The following IL31RA variants were observed in gnomAD, a reference collection of about 807,000 sequenced individuals.
The protein encoded by IL31RA is interleukin-31 receptor subunit alpha.
In IL31RA, 66 loss-of-function variants were observed where a neutral mutation model predicts 83.7. That is an observed-to-expected ratio of 0.79 (90% CI 0.65 to 0.97). IL31RA has a LOEUF of 0.97. Among genes scored for constraint, IL31RA ranks in the 50% least tolerant of loss-of-function variants. The pLI is 0.00. For synonymous variants in IL31RA, 325 were observed against 329.0 expected (o/e 0.99, Z 0.13); for missense variants, 798 against 919.4 (o/e 0.87, Z 1.71).
chr5:55,867,492 T>TA (rs1456009958), intron 2 of IL31RA, among the ~76,000 whole-genome samples: 3 of 152,084 alleles, frequency 2.0e-5, no homozygotes, highest in African/African-American at 7.2e-5. Context: ...ATCAAAATAT[T>TA]AAAGAAACAA....
intron 4 of IL31RA, among the ~76,000 whole-genome samples, chr5:55,882,548 T>C (rs1747306073): frequency 6.6e-6 from 1 of 152,210 alleles, no homozygotes; most frequent in Non-Finnish European, 1.5e-5. Flanking sequence ...TAAAAAATGT[T>C]GTATAATAAG....
intron 13 of IL31RA, among the ~76,000 whole-genome samples, chr5:55,913,893 CAG>C (rs559067917): frequency 1.3e-5 from 2 of 152,222 alleles, no homozygotes; most frequent in Non-Finnish European, 2.9e-5. Context: ...CCCTTTCTCT[CAG>C]TGTCTAGCAG....
intron 7 of IL31RA, among the ~76,000 whole-genome samples, chr5:55,897,903 A>G (rs1748521196): frequency 6.6e-6 from 1 of 152,192 alleles, no homozygotes; most frequent in African/African-American, 2.4e-5. Context: ...GCAAGTTCAA[A>G]ATCCTGTTGA....
chr5:55,843,197 T>C, the IL31RA span, among the ~76,000 whole-genome samples: 30 of 152,322 alleles, frequency 2.0e-4, no homozygotes, highest in Non-Finnish European at 3.2e-4. Flanking sequence ...GAGGGAGCAT[T>C]TCTTTCTTTT....
intron 6 of IL31RA, among the ~76,000 whole-genome samples, chr5:55,892,298 A>G (rs1748055557): frequency 6.6e-6 from 1 of 152,148 alleles, no homozygotes; most frequent in African/African-American, 2.4e-5. Context: ...AGGCCTCATG[A>G]TTTCAGGTGG....
At chr5:55,910,865 T>A (rs1261568869) in intron 12 of IL31RA, among the ~76,000 whole-genome samples, 193 bp downstream of exon 12, 3 of 152,116 alleles carry the variant, frequency 2.0e-5, no homozygotes, top group Non-Finnish European at 4.4e-5. Flanking sequence ...GCAGGCAAGT[T>A]GAGAGCCGAA....
rs2112580302 is a variant in IL31RA, at chr5:55,912,249, G to A, written c.1643-1228G>A. Among the ~76,000 whole-genome samples the A allele has an allele frequency of 1.3e-5, 2 of 152,258 alleles. 1 individual carries two copies. The highest frequency in any genetic ancestry group is 4.1e-4 in the South Asian group (2 of 4,828). ...GAATTCTCTGCTTAAAAGCCACAGTGACTTTTATTATATTTTAAAGAAAAT... is the reference window on the plus strand; with the variant it reads ...GAATTCTCTGCTTAAAAGCCACAGTAACTTTTATTATATTTTAAAGAAAAT... On this transcript the variant is annotated intron_variant, in intron 12 of 14. Coordinates refer to ENST00000652347, the MANE Select transcript of IL31RA (RefSeq NM_139017.7).
intron 3 of IL31RA, among the ~76,000 whole-genome samples, chr5:55,869,864 C>T (rs183806621): frequency 3.1e-4 from 47 of 152,218 alleles, no homozygotes; most frequent in African/African-American, 9.2e-4. Context: ...GTAAGATGAC[C>T]TTTAGTCTTT....
intron 1 of IL31RA, among the ~76,000 whole-genome samples, chr5:55,854,866 A>G (rs1745265426): frequency 6.6e-6 from 1 of 152,200 alleles, no homozygotes. Context: ...AGGAGATAGT[A>G]TACATGAAAG....
At chr5:55,900,250 AC>A in intron 8 of IL31RA, 118 bp downstream of exon 8, 2 of 777,072 alleles carry the variant, frequency 2.6e-6, no homozygotes, top group Non-Finnish European at 4.6e-6. Context: ...TGGAGTGGGA[AC>A]CTTTTAGGTT....
intron 6 of IL31RA, among the ~76,000 whole-genome samples, chr5:55,891,421 G>A (rs1747984131): frequency 6.6e-6 from 1 of 152,206 alleles, no homozygotes; most frequent in Non-Finnish European, 1.5e-5. Flanking sequence ...GTTTCACTGG[G>A]CTAAAGTCAA....
At chr5:55,911,070 A>G (rs1325133618) in intron 12 of IL31RA, among the ~76,000 whole-genome samples, 2 of 152,188 alleles carry the variant, frequency 1.3e-5, no homozygotes, top group Non-Finnish European at 2.9e-5. Context: ...CACGCTGCTG[A>G]TAAAGACATA....
upstream of IL31RA, among the ~76,000 whole-genome samples, chr5:55,848,101 G>C (rs1349658104): frequency 6.6e-6 from 1 of 152,118 alleles, no homozygotes; most frequent in Non-Finnish European, 1.5e-5. Context: ...GTGTTTGCCA[G>C]GTTTCTCCAC....
intron 1 of IL31RA, among the ~76,000 whole-genome samples, chr5:55,852,548 T>C (rs1381540340): frequency 6.6e-6 from 1 of 152,160 alleles, no homozygotes; most frequent in African/African-American, 2.4e-5. Context: ...TCCTCCTACT[T>C]AGTGGAACAT....
At chr5:55,902,297 GA>G (rs1748872343) in intron 8 of IL31RA, 2 of 152,174 alleles carry the variant, frequency 1.3e-5, no homozygotes, top group South Asian at 4.1e-4. Context: ...TCTTTACAGA[GA>G]AACTTTACAG....
At chr5:55,843,943 G>A in the IL31RA span, among the ~76,000 whole-genome samples, 13 of 152,006 alleles carry the variant, frequency 8.6e-5, no homozygotes, top group African/African-American at 2.9e-4. Flanking sequence ...TTATTGAAGT[G>A]TTTGGTATAT....
At chr5:55,850,177 T>G (rs1745019319), upstream of IL31RA, among the ~76,000 whole-genome samples, 1 of 152,226 alleles carries the variant, frequency 6.6e-6, no homozygotes, top group African/African-American at 2.4e-5. Flanking sequence ...ATTCTGAAAC[T>G]TCACTGTTTT....
intron 6 of IL31RA, among the ~76,000 whole-genome samples, chr5:55,895,913 A>G (rs1748305524): frequency 6.6e-6 from 1 of 152,160 alleles, no homozygotes; most frequent in Non-Finnish European, 1.5e-5. Flanking sequence ...ATTTTATAAC[A>G]TCTCAAGTAT....
At chr5:55,913,665 T>G (rs1251832922) in intron 13 of IL31RA, 95 bp downstream of exon 13, 1 of 791,416 alleles carries the variant, frequency 1.3e-6, no homozygotes, top group African/African-American at 1.7e-5. Context: ...CACTCTACCA[T>G]TAAGGGGTGT....
Sources: allele counts gnomAD v4.1 joint callset (sites outside exome capture counted in the v4.1 genomes callset), GRCh38; gene constraint gnomAD v4.1.1; transcripts MANE v1.5; gene names NCBI Gene and HGNC (gene_info 2026-07-23, HGNC 2026-07-21).